HNF4G: variants seen among roughly 807,000 people sequenced by gnomAD.
HNF4G encodes hepatocyte nuclear factor 4 gamma.
Under a neutral mutation model 50.9 loss-of-function variants are expected in HNF4G, and 21 were observed. The ratio of observed to expected loss-of-function variants is 0.41; its 90% CI spans 0.29 to 0.59. The LOEUF (loss-of-function observed/expected upper bound fraction) is 0.59, where lower values mean the gene tolerates loss of function less well. Ranked by LOEUF, HNF4G falls within the 20% of genes least tolerant of loss-of-function variation. The pLI is 0.26. For synonymous variants in HNF4G, 198 were observed against 185.6 expected (o/e 1.07, Z -0.54); for missense variants, 527 against 559.4 (o/e 0.94, Z 0.58).
chr8:75,417,051 T>C (rs997652090), intron 1 of HNF4G, among the ~76,000 whole-genome samples: 1 of 152,218 alleles, frequency 6.6e-6, no homozygotes, highest in African/African-American at 2.4e-5. Context: ...AATATTTCTA[T>C]ATATTTATTC....
At chr8:75,448,487 TAA>T (rs36100694) in intron 1 of HNF4G, among the ~76,000 whole-genome samples, 1 of 105,864 alleles carries the variant, frequency 9.4e-6, no homozygotes, top group Non-Finnish European at 1.8e-5. Context: ...AAGACCTCTT[TAA>T]AAAAAAAAAA....
upstream of HNF4G, among the ~76,000 whole-genome samples, chr8:75,536,022 T>C (rs897164803): frequency 1.3e-5 from 2 of 151,916 alleles, no homozygotes; most frequent in Non-Finnish European, 2.9e-5. Context: ...CTATTTAAAA[T>C]TAACCTTTTA....
At position 75,565,132 on chromosome 8, in the gene HNF4G, C is replaced by G. The variant is rs997984991; in HGVS notation, c.*1036C>G. ...ACATAACCAAAGTTCACAAACATAA[C>G]GAGTGAGAGAAACACATTCAAGCCC... On this transcript the variant is annotated 3_prime_UTR_variant, in exon 10 of 10. Transcript: ENST00000396423. The G allele has an allele frequency of 3.3e-5, 5 of 152,088 alleles. No individual in the cohort carries two copies. Among genetic ancestry groups the G allele is most frequent in the Non-Finnish European group, 7.4e-5 (5 of 68,006 alleles). The allele number at this position is 152,088 out of a possible 1,614,324, so 9.4% of individuals were successfully genotyped here.
chr8:75,441,784 G>C (rs1439066597), intron 1 of HNF4G, among the ~76,000 whole-genome samples: 1 of 152,138 alleles, frequency 6.6e-6, no homozygotes, highest in Non-Finnish European at 1.5e-5. Flanking sequence ...CAAACTTGTA[G>C]CAAACAATCA....
At chr8:75,442,700 C>A (rs1811315587) in intron 1 of HNF4G, among the ~76,000 whole-genome samples, 1 of 151,876 alleles carries the variant, frequency 6.6e-6, no homozygotes. Flanking sequence ...AAAATTAATA[C>A]CCATAAATAT....
chr8:75,534,245 A>G (rs1563544528), intron 2 of HNF4G, among the ~76,000 whole-genome samples: 1 of 151,906 alleles, frequency 6.6e-6, no homozygotes, highest in Non-Finnish European at 1.5e-5. Flanking sequence ...TCAAATCCTA[A>G]CATGTTCCTT....
At chr8:75,480,686 G>A (rs1374108424) in intron 1 of HNF4G, among the ~76,000 whole-genome samples, 1 of 148,352 alleles carries the variant, frequency 6.7e-6, no homozygotes, top group Non-Finnish European at 1.5e-5. Flanking sequence ...AAGTAACTTC[G>A]TTTCTCTGGA....
chr8:75,510,115 C>T (rs1195600491), intron 2 of HNF4G, among the ~76,000 whole-genome samples: 2 of 151,928 alleles, frequency 1.3e-5, no homozygotes, highest in African/African-American at 4.8e-5. Flanking sequence ...ATTGATTATC[C>T]TAACCCTGTG....
At chr8:75,464,747 C>T (rs928689049) in intron 1 of HNF4G, among the ~76,000 whole-genome samples, 4 of 152,108 alleles carry the variant, frequency 2.6e-5, no homozygotes, top group African/African-American at 9.7e-5. Flanking sequence ...CTTTCTAATT[C>T]CTCTCATTTA....
chr8:75,493,103 A>C (rs1812674819), intron 2 of HNF4G, among the ~76,000 whole-genome samples: 1 of 152,154 alleles, frequency 6.6e-6, no homozygotes, highest in Non-Finnish European at 1.5e-5. Context: ...ATATGTGTAA[A>C]AATATGTATT....
chr8:75,507,872 T>C (rs966443848), intron 2 of HNF4G, among the ~76,000 whole-genome samples: 2 of 152,018 alleles, frequency 1.3e-5, no homozygotes, highest in African/African-American at 4.8e-5. Flanking sequence ...ATAAAAGAAA[T>C]AAATGGAATT....
At chr8:75,422,809 A>G (rs1388295486) in intron 1 of HNF4G, among the ~76,000 whole-genome samples, 9 of 151,420 alleles carry the variant, frequency 5.9e-5, no homozygotes, top group South Asian at 2.1e-4. Context: ...AATTTTTTCT[A>G]TTTTTCACTA....
intron 5 of HNF4G, among the ~76,000 whole-genome samples, chr8:75,555,552 A>G (rs950024443): frequency 7.0e-6 from 1 of 142,608 alleles, no homozygotes; most frequent in African/African-American, 2.8e-5. Flanking sequence ...ATCGTTTAGT[A>G]CTCATGAGTA....
Position 75,519,839 on chromosome 8 carries a change from CGTGT to C in HNF4G, c.-23-23953_-23-23950del, listed in dbSNP as rs35154891. 6.7e-5 allele frequency among the ~76,000 whole-genome samples: 10 copies of C among 149,912 alleles called. No individual in the cohort carries two copies. The South Asian group carries it at 8.4e-4, about 13-fold the overall frequency. On this transcript the variant is annotated intron_variant, in intron 2 of 10. Coordinates refer to the HNF4G transcript ENST00000354370. Reference sequence around the variant, plus strand: ...GGCAGTATATAATTGTGCATGTGAGCGTGTGTGTGTGTGTGTGTGTGTTTATTCA... The same window carrying C: ...GGCAGTATATAATTGTGCATGTGAGCGTGTGTGTGTGTGTGTGTTTATTCA...
At chr8:75,478,913 G>A (rs1367680739) in intron 1 of HNF4G, among the ~76,000 whole-genome samples, 1 of 152,098 alleles carries the variant, frequency 6.6e-6, no homozygotes, top group Non-Finnish European at 1.5e-5. Context: ...GTAGAGACGG[G>A]GTTTCTCCAT....
chr8:75,522,904 C>G (rs1165450011), intron 2 of HNF4G, among the ~76,000 whole-genome samples: 1 of 152,020 alleles, frequency 6.6e-6, no homozygotes, highest in African/African-American at 2.4e-5. Context: ...GAGATGGCAT[C>G]AAAGAAACAA....
chr8:75,488,313 G>C (rs2130674667), intron 1 of HNF4G, among the ~76,000 whole-genome samples: 1 of 152,198 alleles, frequency 6.6e-6, no homozygotes, highest in East Asian at 1.9e-4. Flanking sequence ...TCACTGTGTT[G>C]CCCAGGGTGG....
upstream of HNF4G, among the ~76,000 whole-genome samples, chr8:75,536,228 T>A (rs1350207442): frequency 6.6e-6 from 1 of 151,986 alleles, no homozygotes; most frequent in African/African-American, 2.4e-5. Context: ...TATTTTTTGA[T>A]ACAGATTAAA....
At chr8:75,489,358 C>T (rs1336896426) in intron 1 of HNF4G, among the ~76,000 whole-genome samples, 1 of 152,134 alleles carries the variant, frequency 6.6e-6, no homozygotes, top group Non-Finnish European at 1.5e-5. Context: ...TAACACTAAA[C>T]AGTAATTGAT....
Sources: gnomAD v4.1 joint callset for allele counts (sites outside exome capture counted in the v4.1 genomes callset) on GRCh38, gnomAD v4.1.1 for gene constraint, MANE v1.5 for transcripts, NCBI Gene and HGNC (gene_info 2026-07-23, HGNC 2026-07-21) for gene names.